The following RBM24 variants were observed in gnomAD, a reference collection of about 807,000 sequenced individuals.
RBM24 encodes RNA binding motif protein 24.
RBM24 carries 5 observed loss-of-function variants against 23.6 expected under a neutral mutation model. The ratio of observed to expected loss-of-function variants is 0.21; its 90% CI spans 0.11 to 0.45. The LOEUF (loss-of-function observed/expected upper bound fraction) is 0.45. Ranked by LOEUF, RBM24 falls within the 20% of genes least tolerant of loss-of-function variation. The pLI is 0.99. For missense variants in RBM24, 252 were observed against 314.6 expected, an observed-to-expected ratio of 0.80 and a Z score of 1.51; for synonymous variants, 151 against 129.5, an observed-to-expected ratio of 1.17 and a Z score of -1.13.
intron 3 of RBM24, among the ~76,000 whole-genome samples, chr6:17,287,331 T>A (rs1760225645): frequency 6.6e-6 from 1 of 152,194 alleles, no homozygotes; most frequent in Non-Finnish European, 1.5e-5. Flanking sequence ...GGCCCCCAGG[T>A]GACTTTGGGC....
chr6:17,290,717 A>C, intron 3 of RBM24: 1 of 520,896 alleles, frequency 1.9e-6, no homozygotes, highest in Middle Eastern at 3.3e-4. Context: ...TAGATGTGCA[A>C]AAAAAGTTTC....
intron 1 of RBM24, 62 bp from the exon 2 acceptor site, chr6:17,282,743 G>C (rs769500172): frequency 6.3e-7 from 1 of 1,593,762 alleles, no homozygotes; most frequent in Admixed American, 1.7e-5. Flanking sequence ...TGTGATTCTT[G>C]ATTTCCTTCA....
At position 17,281,508 on chromosome 6, in the gene RBM24, G is replaced by A. The variant is rs1019467254; in HGVS notation, c.-74G>A. 5.9e-6 allele frequency: 8 copies of A among 1,363,786 alleles called. No individual in the cohort carries two copies. In the African/African-American group the frequency reaches 6.2e-5, roughly 11 times the overall value. The allele number at this position is 1,363,786 out of a possible 1,614,324, so 84.5% of individuals were successfully genotyped here. On this transcript the variant is annotated 5_prime_UTR_variant, in exon 1 of 4. Transcript: ENST00000379052. This position sits in a 1 kb window ranked among gnomAD's most constrained non-coding sequence, Gnocchi z 7.1. The stretch of plus-strand genomic sequence containing the variant: ...CGCGAAAGGGTGCGGGAGACGCGGA[G>A]CCGGAGGAGGAGGCGCAGCCGCTGC...
rs1479689131 is a variant in RBM24, at chr6:17,291,812, C to G, written c.404C>G (p.Pro135Arg). 1.9e-6 allele frequency: 3 copies of G among 1,614,114 alleles called. No homozygotes were observed. The highest frequency in any genetic ancestry group is 2.5e-6 in the Non-Finnish European group (3 of 1,179,988). ...QAFVQPGVVI[P>R]HVQPTAAAAS... The stretch of plus-strand genomic sequence containing the variant: ...TTTGTGCAGCCGGGAGTGGTCATTC[C>G]ACACGTCCAGCCGACAGCAGCTGCC... The change falls in exon 4 of 4, where the codon CCA (proline) becomes CGA (arginine). Residue 135 changes from proline to arginine, a missense_variant. Physicochemically the swap from Pro to Arg is moderately radical, Grantham distance 103. Transcript: ENST00000379052.
Position 17,292,392 on chromosome 6 carries a change from A to T in RBM24, c.*273A>T. On this transcript the variant is annotated 3_prime_UTR_variant, in exon 4 of 4. Coordinates refer to ENST00000379052, the MANE Select transcript of RBM24 (RefSeq NM_001143942.2). ...CTACGAAATGACGCCAGGAGTAACA[A>T]CGGAACTTCACTTTTGTAACGGGAT... 1 of 254,816 alleles carries T rather than the reference A, an allele frequency of 3.9e-6. No individual in the cohort carries two copies. The highest frequency in any genetic ancestry group is 2.2e-5 in the African/African-American group (1 of 45,352). The allele number at this position is 254,816 out of a possible 1,614,324, so 15.8% of individuals were successfully genotyped here.
rs973462714 is a variant in RBM24, at chr6:17,291,882, A to C, written c.474A>C (p.Ala158=). 5.0e-6 allele frequency: 8 copies of C among 1,613,924 alleles called. 1 individual carries two copies. The highest frequency in any genetic ancestry group is 1.3e-5 in the African/African-American group (1 of 75,000). Reference sequence around the variant, plus strand: ...TTGATTACACTGGAGCTGCATACGCACAATACTCAGCAGCTGCTGCTGCTG... The same window carrying C: ...TTGATTACACTGGAGCTGCATACGCCCAATACTCAGCAGCTGCTGCTGCTG... ...PYIDYTGAAY[A]QYSAAAAAAA... is the part of the protein sequence containing the mutation. The change falls in exon 4 of 4, where the codon GCA becomes GCC. Residue 158 remains alanine (A), a synonymous_variant. Transcript: ENST00000379052.
intron 3 of RBM24, 90 bp downstream of exon 3, chr6:17,284,801 T>C: frequency 1.1e-6 from 1 of 889,056 alleles, no homozygotes. Flanking sequence ...GATCATGATG[T>C]CACAGAATGG....
At position 17,291,858 on chromosome 6, in the gene RBM24, T is replaced by G; in HGVS notation, c.450T>G (p.Ile150Met). ...CTGCCGCCTCCACCACCCCTTACAT[T>G]GATTACACTGGAGCTGCATACGCAC... ...TAAAASTTPY[I>M]DYTGAAYAQY... The change falls in exon 4 of 4, where the codon ATT becomes ATG. Residue 150 changes from isoleucine (I) to methionine (M), a missense_variant. Ile to Met is a conservative substitution (Grantham distance 10, BLOSUM62 1). Transcript: ENST00000379052. 1.9e-6 allele frequency: 3 copies of G among 1,614,026 alleles called. No homozygotes were observed. The African/African-American group carries it at 4.0e-5, about 22-fold the overall frequency.
At chr6:17,282,181 G>C (rs1166205258) in intron 1 of RBM24, 1 of 1,280,556 alleles carries the variant, frequency 7.8e-7, no homozygotes, top group Non-Finnish European at 1.0e-6. Flanking sequence ...GTCTGGGGCT[G>C]TTGCCCTTGT....
At chr6:17,282,282 T>C (rs551727969) in intron 1 of RBM24, 1 of 1,276,754 alleles carries the variant, frequency 7.8e-7, no homozygotes, top group African/African-American at 1.5e-5. Context: ...CATATTAAGC[T>C]TCCTTCCTAG....
At chr6:17,290,016 G>A (rs558977324) in intron 3 of RBM24, 24 of 1,289,270 alleles carry the variant, frequency 1.9e-5, no homozygotes, top group African/African-American at 3.0e-5. Context: ...AGTGTCCTCA[G>A]AAACACTTGA....
Position 17,281,995 on chromosome 6 carries a change from A to G in RBM24, c.168+246A>G. ...GCCGGGCAGGGCAGAGCAGGGGTGAAAGGAGAGACCTGTAATGACGGCGGG... is the reference window on the plus strand; with the variant it reads ...GCCGGGCAGGGCAGAGCAGGGGTGAGAGGAGAGACCTGTAATGACGGCGGG... On this transcript the variant is annotated intron_variant, in intron 1 of 3. Transcript: ENST00000379052. The surrounding 1 kb of genome is among the most constrained non-coding windows in gnomAD (Gnocchi z 7.1). 1.5e-6 allele frequency: 2 copies of G among 1,359,816 alleles called. No individual in the cohort carries two copies. Among genetic ancestry groups the G allele is most frequent in the South Asian group, 3.0e-5 (2 of 66,162 alleles). 84.2% of individuals were successfully genotyped at this position (1,359,816 alleles called of 1,614,324 possible).
Position 17,282,796 on chromosome 6 carries a change from G to A in RBM24, c.169-9G>A. The A allele has an allele frequency of 6.2e-7, 1 of 1,614,020 alleles. No homozygotes were observed. Among genetic ancestry groups the A allele is most frequent in the Non-Finnish European group, 8.5e-7 (1 of 1,179,914 alleles). On this transcript the variant is annotated splice_polypyrimidine_tract_variant and intron_variant, in intron 1 of 3. Transcript: ENST00000379052. ...TATGTATGTATGTCTGTGTGTGTCT[G>A]TTGCTAAGGTCACCATGGCTGACCG...
intron 2 of RBM24, 54 bp downstream of exon 2, chr6:17,282,982 GT>G: frequency 7.8e-7 from 1 of 1,277,332 alleles, no homozygotes; most frequent in Non-Finnish European, 1.1e-6. Context: ...CCATTTATGG[GT>G]GGGATGATTC....
chr6:17,282,746 T>C, intron 1 of RBM24, 59 bp from the exon 2 acceptor site: 3 of 1,596,898 alleles, frequency 1.9e-6, no homozygotes, highest in Non-Finnish European at 2.6e-6. Flanking sequence ...GATTCTTGAT[T>C]TCCTTCATGG....
chr6:17,285,420 CT>C (rs202047350), intron 3 of RBM24, among the ~76,000 whole-genome samples: 7,890 of 143,686 alleles, frequency 0.055, 256 homozygotes, highest in East Asian at 0.11. Flanking sequence ...AGCAAAGGGC[CT>C]TTTTTTTTTT....
In RBM24 at chr6:17,291,755, G is replaced by T; in HGVS notation, c.348-1G>T. The T allele has an allele frequency of 6.2e-7, 1 of 1,602,094 alleles. No homozygotes were observed. Among genetic ancestry groups the T allele is most frequent in the Non-Finnish European group, 8.5e-7 (1 of 1,171,924 alleles). On this transcript the variant is annotated splice_acceptor_variant, in intron 3 of 3. Coordinates refer to ENST00000379052, the MANE Select transcript of RBM24 (RefSeq NM_001143942.2). LOFTEE classifies it high-confidence loss of function. ...TGACTTTGTTTTCCATTTCTCAACA[G>T]GATACCTGCCCACTATGTCTATCCG...
intron 3 of RBM24, chr6:17,289,971 G>C: frequency 1.6e-6 from 2 of 1,289,236 alleles, no homozygotes; most frequent in Middle Eastern, 2.1e-4. Context: ...ATGACCACGC[G>C]CCTGGTTTCT....
In RBM24 at chr6:17,291,904, G is replaced by A. The variant is rs200077643; in HGVS notation, c.496G>A (p.Ala166Thr). Reference sequence around the variant, plus strand: ...CGCACAATACTCAGCAGCTGCTGCTGCTGCCGCCGCCGCTGCTGCCTATGA... The same window carrying A: ...CGCACAATACTCAGCAGCTGCTGCTACTGCCGCCGCCGCTGCTGCCTATGA... ...AYAQYSAAAA[A>T]AAAAAAYDQY... Residue 166 changes from alanine to threonine, a missense_variant, in exon 4 of 4, where the codon GCT becomes ACT. Ala to Thr is a moderately conservative substitution (Grantham distance 58). Coordinates refer to ENST00000379052, the MANE Select transcript of RBM24 (RefSeq NM_001143942.2). 3.7e-6 allele frequency: 6 copies of A among 1,612,406 alleles called. No homozygotes were observed. The African/African-American group carries it at 8.0e-5, about 21-fold the overall frequency.
Sources: allele counts gnomAD v4.1 joint callset (sites outside exome capture counted in the v4.1 genomes callset), GRCh38; gene constraint gnomAD v4.1.1; non-coding constraint Gnocchi (gnomAD v3.1); transcripts MANE v1.5; gene names NCBI Gene and HGNC (gene_info 2026-07-23, HGNC 2026-07-21).